Variants in GSE1 observed in about 807,000 individuals in gnomAD.
The protein encoded by GSE1 is Gse1 coiled-coil protein.
In GSE1, 32 loss-of-function variants were observed where a neutral mutation model predicts 112.6. The ratio of observed to expected loss-of-function variants is 0.28; its 90% CI spans 0.21 to 0.38. The LOEUF is 0.38. GSE1 is among the 10% of genes least tolerant of loss of function. GSE1 has a pLI of 1.00. For missense variants in GSE1, 2,348 were observed against 1,699.2 expected, an observed-to-expected ratio of 1.38 and a Z score of -6.71; for synonymous variants, 1,115 against 735.6, an observed-to-expected ratio of 1.52 and a Z score of -8.35.
At chr16:85,245,925 A>G (rs1162289661) in intron 1 of GSE1, among the ~76,000 whole-genome samples, 3 of 130,486 alleles carry the variant, frequency 2.3e-5, no homozygotes, top group African/African-American at 8.9e-5. Flanking sequence ...GTGTGTGGGG[A>G]GGTGTCTGCG....
intron 2 of GSE1, among the ~76,000 whole-genome samples, chr16:85,544,193 C>A (rs1266982667): frequency 6.6e-6 from 1 of 151,556 alleles, no homozygotes; most frequent in African/African-American, 2.4e-5. Context: ...TGGGTCGAGG[C>A]CGGGGATGTT....
At chr16:85,514,834 C>G (rs1446235512) in intron 2 of GSE1, among the ~76,000 whole-genome samples, 1 of 152,190 alleles carries the variant, frequency 6.6e-6, no homozygotes, top group Non-Finnish European at 1.5e-5. Flanking sequence ...CTGCAGGGAT[C>G]CTGGGAGCTG....
chr16:85,478,951 T>TC (rs1567521045), intron 2 of GSE1, among the ~76,000 whole-genome samples: 5 of 93,658 alleles, frequency 5.3e-5, no homozygotes, highest in East Asian at 2.7e-4. Context: ...CTTTCTTTTT[T>TC]TTTCTTTCTT....
chr16:85,231,389 T>G (rs543299149), intron 1 of GSE1, among the ~76,000 whole-genome samples: 1 of 145,952 alleles, frequency 6.9e-6, no homozygotes, highest in Non-Finnish European at 1.5e-5. Context: ...TGGATGATGA[T>G]GGATGGATAG....
chr16:85,256,509 CGGGGT>C (rs1907094995), intron 1 of GSE1, among the ~76,000 whole-genome samples: 1 of 152,200 alleles, frequency 6.6e-6, no homozygotes, highest in Non-Finnish European at 1.5e-5. Context: ...GGTGCTCACT[CGGGGT>C]CAGGGCCGCC....
intron 1 of GSE1, among the ~76,000 whole-genome samples, chr16:85,190,162 TTCTC>T (rs1201808486): frequency 1.3e-5 from 2 of 152,240 alleles, no homozygotes; most frequent in Non-Finnish European, 2.9e-5. Flanking sequence ...CTAAAGCAAT[TTCTC>T]TCTATCACCT....
chr16:85,341,483 C>T (rs1330637767), intron 1 of GSE1, among the ~76,000 whole-genome samples: 1 of 151,918 alleles, frequency 6.6e-6, no homozygotes, highest in Non-Finnish European at 1.5e-5. Context: ...CATGATGAAA[C>T]CCCGTCTCTA....
chr16:85,542,548 C>G (rs551896327), intron 2 of GSE1, among the ~76,000 whole-genome samples: 3 of 152,352 alleles, frequency 2.0e-5, no homozygotes, highest in Non-Finnish European at 2.9e-5. Context: ...AGAGCTGAAG[C>G]GGAGATGCTT....
At chr16:85,480,273 G>A (rs1182537940) in intron 2 of GSE1, among the ~76,000 whole-genome samples, 2 of 152,256 alleles carry the variant, frequency 1.3e-5, no homozygotes, top group Admixed American at 6.5e-5. Context: ...GCAGTGTTTC[G>A]ATGGGGATGG....
intron 2 of GSE1, among the ~76,000 whole-genome samples, chr16:85,494,736 G>C (rs983596110): frequency 2.0e-5 from 3 of 152,292 alleles, no homozygotes; most frequent in Non-Finnish European, 4.4e-5. Context: ...ATTCTGGGTG[G>C]ATATAAATTT....
At chr16:85,549,479 T>C (rs1260663642) in intron 2 of GSE1, among the ~76,000 whole-genome samples, 1 of 152,186 alleles carries the variant, frequency 6.6e-6, no homozygotes, top group African/African-American at 2.4e-5. Context: ...CACCTGGCCA[T>C]GTAGACATCA....
chr16:85,505,910 C>T (rs2051520017), intron 2 of GSE1, among the ~76,000 whole-genome samples: 1 of 151,780 alleles, frequency 6.6e-6, no homozygotes. Flanking sequence ...GAGGTCAAGG[C>T]TGTAGTGACC....
intron 1 of GSE1, among the ~76,000 whole-genome samples, chr16:85,175,124 G>C (rs573551755): frequency 6.6e-6 from 1 of 152,318 alleles, no homozygotes; most frequent in Admixed American, 6.5e-5. Flanking sequence ...GGAAACATGA[G>C]AAAAATAAAG....
At chr16:85,613,229 C>T (rs1033041772), upstream of GSE1, 66 of 1,502,916 alleles carry the variant, frequency 4.4e-5, no homozygotes, top group Non-Finnish European at 5.4e-5. Flanking sequence ...TCGGCGGCGA[C>T]AGCAGCAGGT....
chr16:85,555,305 C>A (rs1472056007), upstream of GSE1: 1 of 985,164 alleles, frequency 1.0e-6, no homozygotes, highest in African/African-American at 1.7e-5. Context: ...GCCCAGGCGC[C>A]AGAGCCCCCG....
chr16:85,374,960 C>T (rs916020215), intron 2 of GSE1, among the ~76,000 whole-genome samples: 1 of 152,192 alleles, frequency 6.6e-6, no homozygotes, highest in African/African-American at 2.4e-5. Context: ...CCCCTTTGCC[C>T]CCGAGTGTCA....
At chr16:85,280,972 G>T (rs1348930427) in intron 1 of GSE1, among the ~76,000 whole-genome samples, 2 of 152,332 alleles carry the variant, frequency 1.3e-5, no homozygotes, top group South Asian at 2.1e-4. Flanking sequence ...ATCTGGGTTT[G>T]CTCCAGTGCC....
intron 8 of GSE1, among the ~76,000 whole-genome samples, chr16:85,660,605 C>T (rs1240059042): frequency 2.6e-5 from 4 of 152,106 alleles, no homozygotes; most frequent in Non-Finnish European, 4.4e-5. Context: ...CCCCACTGCA[C>T]TCCTGCCTGG....
intron 2 of GSE1, among the ~76,000 whole-genome samples, chr16:85,424,088 G>A (rs2048912737): frequency 6.6e-6 from 1 of 152,282 alleles, no homozygotes; most frequent in African/African-American, 2.4e-5. Context: ...TTTGGAGCAA[G>A]TGTGTTCAGA....
Sources: gnomAD v4.1 joint callset for allele counts (sites outside exome capture counted in the v4.1 genomes callset) on GRCh38, gnomAD v4.1.1 for gene constraint, MANE v1.5 for transcripts, NCBI Gene and HGNC (gene_info 2026-07-23, HGNC 2026-07-21) for gene names.